The following MOK variants were observed in gnomAD, a reference collection of about 807,000 sequenced individuals.
MOK encodes the protein MOK protein kinase.
MOK carries 59 observed loss-of-function variants against 54.2 expected under a neutral mutation model. That is an observed-to-expected ratio of 1.09 (90% CI 0.88 to 1.35). The LOEUF is 1.35. Ranked by LOEUF, MOK falls within the 40% of genes most tolerant of loss-of-function variation. The probability of loss-of-function intolerance (pLI) is 0.00; values close to 1 mark genes in which losing one functional copy is unlikely to be tolerated. For missense variants in MOK, 517 were observed against 526.2 expected, an observed-to-expected ratio of 0.98 and a Z score of 0.17; for synonymous variants, 210 against 202.7, an observed-to-expected ratio of 1.04 and a Z score of -0.31.
At chr14:102,285,327 C>G (rs528112189) in intron 1 of MOK, among the ~76,000 whole-genome samples, 20 of 152,278 alleles carry the variant, frequency 1.3e-4, no homozygotes, top group African/African-American at 4.6e-4. Context: ...GCCTAAACTT[C>G]TACCTCAGCC....
intron 2 of MOK, among the ~76,000 whole-genome samples, chr14:102,266,183 A>G (rs1317962446): frequency 6.6e-6 from 1 of 152,220 alleles, no homozygotes; most frequent in Non-Finnish European, 1.5e-5. Context: ...ATTAACAAAC[A>G]TAAAAGTAGA....
At chr14:102,225,328 T>A (rs1246487886), downstream of MOK, 1 of 155,478 alleles carries the variant, frequency 6.4e-6, no homozygotes, top group Non-Finnish European at 1.4e-5. Context: ...CCCAAGATGC[T>A]AGGATTACAG....
downstream of MOK, among the ~76,000 whole-genome samples, chr14:102,228,643 G>A (rs1293564882): frequency 1.4e-5 from 2 of 143,514 alleles, no homozygotes; most frequent in Non-Finnish European, 3.0e-5. Flanking sequence ...AGGTTGCAGT[G>A]AGCCAAGATT....
intron 4 of MOK, among the ~76,000 whole-genome samples, chr14:102,253,047 T>C (rs1446643762): frequency 1.3e-5 from 2 of 152,258 alleles, no homozygotes; most frequent in African/African-American, 2.4e-5. Context: ...ATAGTGACTC[T>C]GCTGCTGCTC....
rs370862359 is a variant in MOK, at chr14:102,229,522, C to T, written c.1117G>A (p.Gly373Arg). 8 of 1,614,058 alleles carry T rather than the reference C, an allele frequency of 5.0e-6. No homozygotes were observed. The highest frequency in any genetic ancestry group is 4.0e-5 in the African/African-American group (3 of 74,928). ...GGCACTCTTCCATTTGTTCCAGATC[C>T]AAGCACGGACTGCAGCGTGGGGCTG... Reference protein sequence around the residue: ...YSSPTLQSVLGSGTNGRVPVL... With the variant: ...YSSPTLQSVLRSGTNGRVPVL... Residue 373 changes from glycine (G) to arginine (R), a missense_variant, in exon 11 of 12, where the codon GGA becomes AGA. By Grantham distance (125) the Gly-to-Arg change is moderately radical (BLOSUM62 -2). Transcript: ENST00000361847.
At chr14:102,298,127 C>G (rs1440417803) in intron 1 of MOK, among the ~76,000 whole-genome samples, 2 of 152,232 alleles carry the variant, frequency 1.3e-5, no homozygotes, top group African/African-American at 4.8e-5. Context: ...GTGTGGGATC[C>G]ACTAGGTGAA....
downstream of MOK, among the ~76,000 whole-genome samples, chr14:102,220,151 G>A (rs543396576): frequency 3.0e-4 from 46 of 152,320 alleles, no homozygotes; most frequent in African/African-American, 1.0e-3. This position sits in a 1 kb window ranked among gnomAD's most constrained non-coding sequence, Gnocchi z 4.2. Context: ...TGGTGGCTGC[G>A]CCACCTCTGC....
intron 4 of MOK, among the ~76,000 whole-genome samples, chr14:102,263,038 T>G (rs2067601007): frequency 6.6e-6 from 1 of 152,182 alleles, no homozygotes; most frequent in South Asian, 2.1e-4. Flanking sequence ...TGAGGTCACC[T>G]CAGGCAAACA....
At chr14:102,233,319 G>A (rs542042330) in intron 8 of MOK, 40 of 186,840 alleles carry the variant, frequency 2.1e-4, no homozygotes, top group Non-Finnish European at 3.9e-4. Context: ...CGTCGGTCCC[G>A]CCAGCAGGGC....
At chr14:102,247,915 A>C (rs1485484205) in intron 7 of MOK, among the ~76,000 whole-genome samples, 1 of 152,194 alleles carries the variant, frequency 6.6e-6, no homozygotes, top group Non-Finnish European at 1.5e-5. Context: ...CCCAGCCATA[A>C]CCATTCTTCT....
downstream of MOK, chr14:102,224,902 T>C (rs116779919): frequency 2.3e-3 from 955 of 421,616 alleles, 6 homozygotes; most frequent in African/African-American, 0.018. Flanking sequence ...AAATAAGATA[T>C]TAGCATGTTT....
intron 4 of MOK, 45 bp downstream of exon 4, chr14:102,263,501 C>A (rs1164310418): frequency 7.3e-7 from 1 of 1,367,178 alleles, no homozygotes; most frequent in South Asian, 1.3e-5. Flanking sequence ...GAATTACAAG[C>A]CTTAAAAGAG....
At chr14:102,287,417 AC>A in intron 1 of MOK, among the ~76,000 whole-genome samples, 1 of 152,334 alleles carries the variant, frequency 6.6e-6, no homozygotes, top group Middle Eastern at 3.4e-3. Flanking sequence ...GGCCAGCCTG[AC>A]CAAGATGATG....
chr14:102,222,567 AG>A (rs1185922271), downstream of MOK, among the ~76,000 whole-genome samples: 1 of 152,162 alleles, frequency 6.6e-6, no homozygotes, highest in Admixed American at 6.5e-5. The surrounding 1 kb of genome is among the most constrained non-coding windows in gnomAD (Gnocchi z 4.4). Flanking sequence ...GTCTCCCCCA[AG>A]GGCAAGGCCA....
chr14:102,268,832 G>A lies in MOK; in HGVS notation c.123-2920C>T, dbSNP rs138740742. On this transcript the variant is annotated intron_variant, in intron 2 of 11. Coordinates refer to ENST00000361847, the MANE Select transcript of MOK (RefSeq NM_014226.3). ...CTGGAGGCTGAGGCAGGAGAATGGCGTAAACCTGGGAGGTGGAGCTTGCAG... is the reference window on the plus strand; with the variant it reads ...CTGGAGGCTGAGGCAGGAGAATGGCATAAACCTGGGAGGTGGAGCTTGCAG... Among the ~76,000 whole-genome samples the A allele has an allele frequency of 3.9e-3, 582 of 151,168 alleles. 3 individuals carry two copies. The highest frequency in any genetic ancestry group is 6.8e-3 in the Middle Eastern group (2 of 294).
the MOK span, among the ~76,000 whole-genome samples, chr14:102,219,313 A>T: frequency 6.6e-6 from 1 of 152,252 alleles, no homozygotes; most frequent in Non-Finnish European, 1.5e-5. Context: ...AGCAAGTGAC[A>T]GGTGCCAAGA....
the MOK span, among the ~76,000 whole-genome samples, chr14:102,216,229 C>T: frequency 6.6e-6 from 1 of 152,222 alleles, no homozygotes; most frequent in African/African-American, 2.4e-5. Flanking sequence ...AACATTCAGA[C>T]CTACAGCTCT....
In MOK at chr14:102,275,984, C is replaced by G. The variant is rs980315363; in HGVS notation, c.122+7494G>C. Among the ~76,000 whole-genome samples, 3 of 152,066 alleles carry G rather than the reference C, an allele frequency of 2.0e-5. No homozygotes were observed. The East Asian group carries it at 5.8e-4, about 29-fold the overall frequency. ...ATTTTTAAAGGGACAAAAACTTGGACAGGCAATTCATAAATGAAGATACAT... is the reference window on the plus strand; with the variant it reads ...ATTTTTAAAGGGACAAAAACTTGGAGAGGCAATTCATAAATGAAGATACAT... On this transcript the variant is annotated intron_variant, in intron 2 of 11. Coordinates refer to ENST00000361847, the MANE Select transcript of MOK (RefSeq NM_014226.3).
At chr14:102,280,070 G>A (rs922741269) in intron 2 of MOK, among the ~76,000 whole-genome samples, 1 of 151,800 alleles carries the variant, frequency 6.6e-6, no homozygotes, top group Non-Finnish European at 1.5e-5. Flanking sequence ...ACAATGATAA[G>A]CAAGCAGAAA....
Sources: allele counts gnomAD v4.1 joint callset (sites outside exome capture counted in the v4.1 genomes callset), GRCh38; gene constraint gnomAD v4.1.1; non-coding constraint Gnocchi (gnomAD v3.1); transcripts MANE v1.5; gene names NCBI Gene and HGNC (gene_info 2026-07-23, HGNC 2026-07-21).